The following HOXA3 variants were observed in gnomAD, a reference collection of about 807,000 sequenced individuals.
The protein encoded by HOXA3 is homeobox A3.
A neutral mutation model predicts 30.3 loss-of-function variants in HOXA3; 8 were observed. That is an observed-to-expected ratio of 0.26 (90% confidence interval 0.15 to 0.48). The LOEUF (loss-of-function observed/expected upper bound fraction) is 0.48. Among genes scored for constraint, HOXA3 ranks in the 20% least tolerant of loss-of-function variants. The probability of loss-of-function intolerance (pLI) is 0.99; values close to 1 mark genes in which losing one functional copy is unlikely to be tolerated. For missense variants in HOXA3, 653 were observed against 614.4 expected (o/e 1.06, Z -0.66); for synonymous variants, 323 against 273.1 (o/e 1.18, Z -1.80).
chr7:27,126,271 C>T (rs572779225), intron 3 of HOXA3, among the ~76,000 whole-genome samples: 3 of 152,102 alleles, frequency 2.0e-5, no homozygotes, highest in South Asian at 2.1e-4. Context: ...CTTTTGTCTC[C>T]GGAGTCATGC....
chr7:27,142,176 G>A, intron 1 of HOXA3: 1 of 1,428,900 alleles, frequency 7.0e-7, no homozygotes, highest in Non-Finnish European at 9.3e-7. Context: ...AGGGAACCCA[G>A]GCGAAAAGCT....
At position 27,108,781 on chromosome 7, in the gene HOXA3, G is replaced by C. The variant is rs1784188542; in HGVS notation, c.527-61C>G. On this transcript the variant is annotated intron_variant, in intron 5 of 5. Transcript: ENST00000612286. The surrounding 1 kb of genome is among the most constrained non-coding windows in gnomAD (Gnocchi z 5.0). Reference sequence around the variant, plus strand: ...GCTGCCGCGGCCCCGCCCAGCCCCTGACCCAGCCCGGCCCCTCCTTCCACC... The same window carrying C: ...GCTGCCGCGGCCCCGCCCAGCCCCTCACCCAGCCCGGCCCCTCCTTCCACC... 8 of 1,333,070 alleles carry C rather than the reference G, an allele frequency of 6.0e-6. No individual in the cohort carries two copies. In the South Asian group the frequency reaches 1.1e-4, roughly 19 times the overall value. The allele number at this position is 1,333,070 out of a possible 1,614,324, so 82.6% of individuals were successfully genotyped here. A position where few individuals can be genotyped will look rare whatever the true frequency, so the allele number is the denominator to read the frequency against.
At chr7:27,143,779 A>G in intron 1 of HOXA3, 3 of 1,283,250 alleles carry the variant, frequency 2.3e-6, no homozygotes, top group South Asian at 1.7e-5. Context: ...TTTGTTGTCC[A>G]GTCGTAAATC....
At chr7:27,118,732 A>G (rs1784860669) in intron 4 of HOXA3, among the ~76,000 whole-genome samples, 1 of 152,176 alleles carries the variant, frequency 6.6e-6, no homozygotes, top group South Asian at 2.1e-4. Context: ...CTGCACACCC[A>G]TGCACCCCAG....
chr7:27,115,807 G>A (rs2285722), intron 4 of HOXA3: 3,743 of 152,398 alleles, frequency 0.025, 244 homozygotes, highest in East Asian at 0.14. Flanking sequence ...GGGCCTCAGC[G>A]GGCAGAAGTG....
At chr7:27,125,091 G>A (rs1039490131) in intron 3 of HOXA3, among the ~76,000 whole-genome samples, 3 of 152,194 alleles carry the variant, frequency 2.0e-5, no homozygotes, top group South Asian at 2.1e-4. Context: ...ACCTGTGACC[G>A]TCCAGGTCAA....
intron 4 of HOXA3, among the ~76,000 whole-genome samples, chr7:27,117,216 G>A (rs1784772160): frequency 6.6e-6 from 1 of 152,186 alleles, no homozygotes; most frequent in South Asian, 2.1e-4. Context: ...CTCTGAAGCT[G>A]GAGAGATGTC....
intron 5 of HOXA3, 115 bp downstream of exon 5, chr7:27,110,000 A>C (rs1013813280): frequency 1.6e-6 from 2 of 1,274,604 alleles, no homozygotes; most frequent in Non-Finnish European, 2.3e-6. Flanking sequence ...GTGGTGTGGG[A>C]GCAGTGAATT....
rs1554343132 is a variant in HOXA3 at position 27,152,483 on chromosome 7, C to CT, written c.-690_-689insA. On this transcript the variant is annotated 5_prime_UTR_variant, in exon 1 of 6. An upstream open reading frame in the 5' UTR loses its in-frame stop. Coordinates refer to ENST00000612286, the MANE Select transcript of HOXA3 (RefSeq NM_153631.3). Reference sequence around the variant, plus strand: ...CGGGAGCCGCCAGGCCTGGCCTGGCCGGGGCTTCCCTTCGCTCGCCATCTC... The same window carrying CT: ...CGGGAGCCGCCAGGCCTGGCCTGGCCTGGGGCTTCCCTTCGCTCGCCATCTC... The CT allele has an allele frequency of 3.0e-5, 35 of 1,166,270 alleles. No individual in the cohort carries two copies. The highest frequency in any genetic ancestry group is 3.8e-5 in the Non-Finnish European group (35 of 930,756). 72.2% of individuals were successfully genotyped at this position (1,166,270 alleles called of 1,614,324 possible). A position where few individuals can be genotyped will look rare whatever the true frequency, so the allele number is the denominator to read the frequency against.
At chr7:27,152,082 G>A (rs1782989907) in intron 1 of HOXA3, among the ~76,000 whole-genome samples, 1 of 150,524 alleles carries the variant, frequency 6.6e-6, no homozygotes. Flanking sequence ...GGAGTGGTGT[G>A]TGTGTGTGTG....
intron 1 of HOXA3, chr7:27,151,635 C>T (rs1782976297): frequency 4.4e-6 from 2 of 456,746 alleles, no homozygotes; most frequent in Non-Finnish European, 8.8e-6. Flanking sequence ...CATCGAAAAA[C>T]CGGGCGAAGG....
At chr7:27,142,939 G>C in intron 1 of HOXA3, 1 of 1,070,028 alleles carries the variant, frequency 9.3e-7, no homozygotes, top group Non-Finnish European at 1.3e-6. Context: ...CCGCAGGGCT[G>C]GGAGAAATGA....
At chr7:27,124,986 A>G (rs1335891906) in intron 3 of HOXA3, among the ~76,000 whole-genome samples, 1 of 152,134 alleles carries the variant, frequency 6.6e-6, no homozygotes, top group Non-Finnish European at 1.5e-5. Context: ...CACCTGTCTG[A>G]GCTCTATGAC....
At chr7:27,114,312 G>A (rs1784553854) in intron 4 of HOXA3, among the ~76,000 whole-genome samples, 1 of 152,086 alleles carries the variant, frequency 6.6e-6, no homozygotes, top group Admixed American at 6.5e-5. Context: ...TTAGGAATTC[G>A]TTTGAGAAAC....
At chr7:27,151,494 G>T (rs1424530445) in intron 1 of HOXA3, 3 of 421,784 alleles carry the variant, frequency 7.1e-6, no homozygotes, top group Non-Finnish European at 1.5e-5. Context: ...CCTGCCACGC[G>T]CGCTAACAGC....
At chr7:27,146,025 C>T in intron 1 of HOXA3, 1 of 1,268,918 alleles carries the variant, frequency 7.9e-7, no homozygotes, top group Non-Finnish European at 1.1e-6. Context: ...ACCCCGCCTC[C>T]ACTCCAGCCT....
chr7:27,152,543 G>C lies in HOXA3; in HGVS notation c.-749C>G. On this transcript the variant is annotated 5_prime_UTR_variant, in exon 1 of 6. Transcript: ENST00000612286. ...CACAGCCGAGCCCGGCTGGAAGGCAGAGCTCCGAAGCAGGCAGGACGGAGC... is the reference window on the plus strand; with the variant it reads ...CACAGCCGAGCCCGGCTGGAAGGCACAGCTCCGAAGCAGGCAGGACGGAGC... 8.5e-7 allele frequency: 1 copy of C among 1,181,818 alleles called. No homozygotes were observed. The highest frequency in any genetic ancestry group is 1.1e-6 in the Non-Finnish European group (1 of 938,750). The allele number at this position is 1,181,818 out of a possible 1,614,324, so 73.2% of individuals were successfully genotyped here. A position where few individuals can be genotyped will look rare whatever the true frequency, so the allele number is the denominator to read the frequency against.
chr7:27,136,833 C>T (rs914726075), intron 2 of HOXA3, among the ~76,000 whole-genome samples: 2 of 152,168 alleles, frequency 1.3e-5, no homozygotes, highest in Non-Finnish European at 2.9e-5. Flanking sequence ...CTGGGCAGAC[C>T]TTCAAGTTCT....
rs556681494 is a variant in HOXA3 at position 27,146,983 on chromosome 7, G to A, written c.-494+5305C>T. On this transcript the variant is annotated intron_variant, in intron 1 of 5. Coordinates refer to ENST00000612286, the MANE Select transcript of HOXA3 (RefSeq NM_153631.3). ...TTGGGAAGCTGAGCAGGGTACTCAG[G>A]GTGCATGGACAGGCTGTCCCTCCCC... Among the ~76,000 whole-genome samples, 4 of 152,190 alleles carry A rather than the reference G, an allele frequency of 2.6e-5. No homozygotes were observed. In the East Asian group the frequency reaches 7.7e-4, roughly 29 times the overall value.
Sources: gnomAD v4.1 joint callset for allele counts (sites outside exome capture counted in the v4.1 genomes callset) on GRCh38, gnomAD v4.1.1 for gene constraint, Gnocchi (gnomAD v3.1) non-coding constraint, MANE v1.5 for transcripts, NCBI Gene and HGNC (gene_info 2026-07-23, HGNC 2026-07-21) for gene names.